MCUB: variants seen among roughly 807,000 people sequenced by gnomAD.
MCUB encodes the protein calcium uniporter regulatory subunit MCUb, mitochondrial.
Under a neutral mutation model 41.4 loss-of-function variants are expected in MCUB, and 46 were observed. That is an observed-to-expected ratio of 1.11 (90% CI 0.88 to 1.42). The LOEUF (loss-of-function observed/expected upper bound fraction) is 1.42. MCUB is among the 40% of genes most tolerant of loss of function. The pLI is 0.00. For synonymous variants in MCUB, 148 were observed against 148.2 expected (o/e 1.00, Z 0.01); for missense variants, 403 against 404.9 (o/e 1.00, Z 0.04).
At chr4:109,613,905 A>G (rs1728071997) in intron 1 of MCUB, among the ~76,000 whole-genome samples, 2 of 152,186 alleles carry the variant, frequency 1.3e-5, no homozygotes, top group African/African-American at 4.8e-5. Flanking sequence ...TAATATCACA[A>G]CCCAGATATT....
chr4:109,594,342 T>C (rs1727504365), intron 1 of MCUB, among the ~76,000 whole-genome samples: 1 of 152,208 alleles, frequency 6.6e-6, no homozygotes, highest in Non-Finnish European at 1.5e-5. Context: ...AGGAATGTCA[T>C]AATAGGCCTA....
chr4:109,652,159 C>T (rs1342252254), intron 1 of MCUB, among the ~76,000 whole-genome samples: 2 of 152,120 alleles, frequency 1.3e-5, no homozygotes, highest in Admixed American at 6.6e-5. Context: ...CCAGTTATGT[C>T]GGATTAGGGC....
chr4:109,618,952 T>TTCTCTC (rs10557098), intron 1 of MCUB, among the ~76,000 whole-genome samples: 2,875 of 127,688 alleles, frequency 0.023, 61 homozygotes, highest in Middle Eastern at 0.035. Context: ...AACATTAAAC[T>TTCTCTC]TCTCTCTCTC....
At chr4:109,675,835 C>T (rs960915496) in intron 4 of MCUB, among the ~76,000 whole-genome samples, 3 of 152,200 alleles carry the variant, frequency 2.0e-5, no homozygotes, top group East Asian at 3.9e-4. Flanking sequence ...CTTGCTTTCT[C>T]TCTGCCTCCC....
chr4:109,653,537 C>T (rs1296285301), intron 1 of MCUB, among the ~76,000 whole-genome samples: 5 of 152,054 alleles, frequency 3.3e-5, no homozygotes, highest in Non-Finnish European at 7.4e-5. Context: ...CCAATTCATT[C>T]GTTTTCTATT....
At chr4:109,673,050 A>T (rs1729495049) in intron 4 of MCUB, among the ~76,000 whole-genome samples, 1 of 152,240 alleles carries the variant, frequency 6.6e-6, no homozygotes, top group South Asian at 2.1e-4. Context: ...TCATTTCAAC[A>T]CTTACAAACT....
At chr4:109,587,396 C>T (rs1200260014) in intron 1 of MCUB, among the ~76,000 whole-genome samples, 1 of 152,168 alleles carries the variant, frequency 6.6e-6, no homozygotes, top group African/African-American at 2.4e-5. Flanking sequence ...AGGGAAATCC[C>T]CTGACCCCTT....
At chr4:109,649,514 C>G (rs1377228356) in intron 1 of MCUB, among the ~76,000 whole-genome samples, 1 of 152,112 alleles carries the variant, frequency 6.6e-6, no homozygotes, top group Non-Finnish European at 1.5e-5. Context: ...GGTTATCTGA[C>G]TATAGAATTC....
intron 1 of MCUB, among the ~76,000 whole-genome samples, chr4:109,602,766 G>A (rs1727772026): frequency 6.6e-6 from 1 of 152,064 alleles, no homozygotes; most frequent in Non-Finnish European, 1.5e-5. Context: ...ATTTTGATAG[G>A]GATTGCATGG....
At chr4:109,638,729 A>T (rs1728650894) in intron 1 of MCUB, among the ~76,000 whole-genome samples, 1 of 152,204 alleles carries the variant, frequency 6.6e-6, no homozygotes, top group South Asian at 2.1e-4. Flanking sequence ...AGTCCCTCCA[A>T]ACTCTGCCAC....
At chr4:109,566,224 C>CT (rs1434976409) in intron 1 of MCUB, among the ~76,000 whole-genome samples, 1 of 151,108 alleles carries the variant, frequency 6.6e-6, no homozygotes, top group African/African-American at 2.4e-5. Context: ...AATTCCAGCA[C>CT]TTTGGGAGGC....
At chr4:109,646,461 C>T (rs145353033) in intron 1 of MCUB, among the ~76,000 whole-genome samples, 299 of 152,270 alleles carry the variant, frequency 2.0e-3, no homozygotes, top group African/African-American at 7.0e-3. Flanking sequence ...CGGGTCACCA[C>T]CATCTATTGT....
At chr4:109,657,678 C>A (rs988150631) in intron 1 of MCUB, among the ~76,000 whole-genome samples, 1 of 152,182 alleles carries the variant, frequency 6.6e-6, no homozygotes, top group Non-Finnish European at 1.5e-5. Flanking sequence ...TTCCCCAATG[C>A]CTGTTCTTTC....
At chr4:109,632,501 G>C (rs1195517310) in intron 1 of MCUB, among the ~76,000 whole-genome samples, 1 of 152,050 alleles carries the variant, frequency 6.6e-6, no homozygotes, top group East Asian at 1.9e-4. Flanking sequence ...TTTGGGAGCA[G>C]ATTACCTAGG....
chr4:109,668,826 C>T (rs902734041), intron 4 of MCUB, among the ~76,000 whole-genome samples: 2 of 151,642 alleles, frequency 1.3e-5, no homozygotes, highest in African/African-American at 4.8e-5. Context: ...TTAGCGGTTG[C>T]CTAAGAGTTT....
chr4:109,633,361 G>A (rs1399753283), intron 1 of MCUB, among the ~76,000 whole-genome samples: 8 of 151,836 alleles, frequency 5.3e-5, no homozygotes, highest in African/African-American at 1.5e-4. Context: ...TCCGCCTCCC[G>A]GGTTCACGCC....
chr4:109,561,229 T>C (rs753476308), intron 1 of MCUB, among the ~76,000 whole-genome samples: 1 of 152,322 alleles, frequency 6.6e-6, no homozygotes, highest in Non-Finnish European at 1.5e-5. Flanking sequence ...TGTGTGTGGT[T>C]GGGGAGGGAG....
At chr4:109,617,440 C>T (rs925522236) in intron 1 of MCUB, among the ~76,000 whole-genome samples, 4 of 152,122 alleles carry the variant, frequency 2.6e-5, no homozygotes, top group Admixed American at 6.6e-5. Context: ...AGGACCATGG[C>T]TGGGTAACTG....
At chr4:109,643,670 A>G in intron 1 of MCUB, among the ~76,000 whole-genome samples, 1 of 151,502 alleles carries the variant, frequency 6.6e-6, no homozygotes, top group East Asian at 1.9e-4. Context: ...ATGCCCAGCT[A>G]ATTTTGTATT....
Sources: allele counts gnomAD v4.1 joint callset (sites outside exome capture counted in the v4.1 genomes callset), GRCh38; gene constraint gnomAD v4.1.1; transcripts MANE v1.5; gene names NCBI Gene and HGNC (gene_info 2026-07-23, HGNC 2026-07-21).